SOX13: variants seen among roughly 807,000 people sequenced by gnomAD.
SOX13 encodes transcription factor SOX-13.
SOX13 carries 28 observed loss-of-function variants against 71.8 expected under a neutral mutation model. That is an observed-to-expected ratio of 0.39 (90% confidence interval 0.29 to 0.53). The LOEUF is 0.53. Among genes scored for constraint, SOX13 ranks in the 20% least tolerant of loss-of-function variants. The pLI is 0.70. For missense variants in SOX13, 627 were observed against 810.3 expected, an observed-to-expected ratio of 0.77 and a Z score of 2.75; for synonymous variants, 309 against 317.8, an observed-to-expected ratio of 0.97 and a Z score of 0.29.
intron 4 of SOX13, chr1:204,116,228 G>A (rs150309732): frequency 0.016 from 22,104 of 1,405,536 alleles, 240 homozygotes; most frequent in Non-Finnish European, 0.019. Flanking sequence ...GAAGAGGCCT[G>A]GGGCTCTGGG....
chr1:204,086,194 C>A (rs768041759), intron 1 of SOX13, among the ~76,000 whole-genome samples: 1 of 152,232 alleles, frequency 6.6e-6, no homozygotes, highest in African/African-American at 2.4e-5. Context: ...CCTCCAGGGT[C>A]GGGTGCCAGC....
At chr1:204,085,544 C>T (rs1165051787) in intron 1 of SOX13, among the ~76,000 whole-genome samples, 1 of 151,870 alleles carries the variant, frequency 6.6e-6, no homozygotes, top group Non-Finnish European at 1.5e-5. Context: ...TCTAGGATGC[C>T]CTGGAGAAAT....
At chr1:204,086,005 TGCCTTCTA>T (rs1441458974) in intron 1 of SOX13, among the ~76,000 whole-genome samples, 2 of 149,956 alleles carry the variant, frequency 1.3e-5, no homozygotes, top group Non-Finnish European at 3.0e-5. Context: ...ATGTAGGAAG[TGCCTTCTA>T]GCCTTCTAGG....
chr1:204,122,592 G>A (rs1656831626), intron 9 of SOX13, 193 bp downstream of exon 9: 3 of 607,796 alleles, frequency 4.9e-6, no homozygotes, highest in Non-Finnish European at 8.7e-6. Flanking sequence ...CCAAGCATCA[G>A]GGATTCAGGC....
Position 204,123,815 on chromosome 1 carries a change from G to C in SOX13, c.1375+11G>C. On this transcript the variant is annotated intron_variant, in intron 12 of 13. Coordinates refer to ENST00000367204, the MANE Select transcript of SOX13 (RefSeq NM_005686.3). The surrounding 1 kb of genome is among the most constrained non-coding windows in gnomAD (Gnocchi z 5.0). ...TCAGCAAGATCCTTGGTAAGGGCCA[G>C]TGGCTGGGGCCATGGTTCAGTGTGA... 1.2e-6 allele frequency: 2 copies of C among 1,614,052 alleles called. No individual in the cohort carries two copies. Among genetic ancestry groups the C allele is most frequent in the South Asian group, 2.2e-5 (2 of 91,080 alleles).
At chr1:204,103,956 C>T (rs537108025) in intron 1 of SOX13, among the ~76,000 whole-genome samples, 8 of 152,334 alleles carry the variant, frequency 5.3e-5, no homozygotes, top group African/African-American at 1.7e-4. Flanking sequence ...GTCTCTTTCT[C>T]GACCCACTCA....
chr1:204,126,105 G>A lies in SOX13; in HGVS notation c.1840G>A (p.Asp614Asn), dbSNP rs770201579. 4 of 1,613,952 alleles carry A rather than the reference G, an allele frequency of 2.5e-6. No individual in the cohort carries two copies. The highest frequency in any genetic ancestry group is 2.2e-5 in the East Asian group (1 of 44,880). ...GGACTCGGAGGGCGAAGAGAAGAGC[G>A]ATGGGGAGTTGGTGGTGCTCACAGA... ...DEDSEGEEKS[D>N]GELVVLTD Residue 614 changes from aspartate (D) to asparagine (N), a missense_variant, in exon 14 of 14, where the codon GAT becomes AAT. Physicochemically the swap from Asp to Asn is conservative, Grantham distance 23. Around this residue, in one of 3 missense-constraint regions of SOX13, gnomAD observed 148 missense variants for 192.7 expected, o/e 0.77. Transcript: ENST00000367204.
chr1:204,110,185 G>A (rs964306683), intron 1 of SOX13, among the ~76,000 whole-genome samples: 1 of 151,370 alleles, frequency 6.6e-6, no homozygotes, highest in Non-Finnish European at 1.5e-5. Flanking sequence ...ACAGAGTGGA[G>A]TGCAGTGGCT....
intron 1 of SOX13, among the ~76,000 whole-genome samples, chr1:204,099,880 G>A (rs1016511729): frequency 1.3e-5 from 2 of 151,910 alleles, no homozygotes. Context: ...GGTGGCTTAT[G>A]CCTATAACCT....
intron 1 of SOX13, among the ~76,000 whole-genome samples, chr1:204,108,469 G>A (rs908216982): frequency 3.3e-5 from 5 of 152,348 alleles, no homozygotes; most frequent in East Asian, 1.9e-4. Flanking sequence ...ATGGATGGTC[G>A]TTCACCATCC....
chr1:204,091,369 A>G (rs944676756), intron 1 of SOX13, among the ~76,000 whole-genome samples: 1 of 152,102 alleles, frequency 6.6e-6, no homozygotes, highest in African/African-American at 2.4e-5. Flanking sequence ...GCATGCTTAT[A>G]TTGTTCAGGA....
At chr1:204,116,351 C>T (rs1370652823) in intron 4 of SOX13, 156 bp from the exon 5 acceptor site, 1 of 1,555,368 alleles carries the variant, frequency 6.4e-7, no homozygotes, top group African/African-American at 1.4e-5. Flanking sequence ...CCCTTCAAGG[C>T]AAGCATCTTG....
At position 204,123,752 on chromosome 1, in the gene SOX13, G is replaced by T; in HGVS notation, c.1323G>T (p.Lys441Asn). The change falls in exon 12 of 14, where the codon AAG (lysine) becomes AAT (asparagine). Residue 441 changes from lysine to asparagine, a missense_variant. Coordinates refer to ENST00000367204, the MANE Select transcript of SOX13 (RefSeq NM_005686.3). The surrounding 1 kb of genome is among the most constrained non-coding windows in gnomAD (Gnocchi z 5.0). ...TGTGGGCCAAGGATGAGCGGAGGAA[G>T]ATCCTGCAAGCCTTCCCAGACATGC... ...FMVWAKDERR[K>N]ILQAFPDMHN... is the part of the protein sequence containing the mutation. 4 of 1,614,230 alleles carry T rather than the reference G, an allele frequency of 2.5e-6. No homozygotes were observed. Among genetic ancestry groups the T allele is most frequent in the Non-Finnish European group, 3.4e-6 (4 of 1,180,050 alleles).
At chr1:204,121,802 G>A (rs931255869) in intron 7 of SOX13, 98 bp from the exon 8 acceptor site, 8 of 846,788 alleles carry the variant, frequency 9.4e-6, no homozygotes, top group Admixed American at 2.0e-5. Context: ...GTCCAGTGCC[G>A]AGCCATTGCC....
chr1:204,106,346 G>C (rs554293016), intron 1 of SOX13, among the ~76,000 whole-genome samples: 4 of 152,252 alleles, frequency 2.6e-5, no homozygotes, highest in African/African-American at 7.2e-5. Flanking sequence ...TCCATCACCT[G>C]TTAAGCATCC....
In SOX13 at chr1:204,124,848, A is replaced by T; in HGVS notation, c.1583A>T (p.Tyr528Phe). The T allele has an allele frequency of 1.3e-6, 2 of 1,568,196 alleles. No homozygotes were observed. Among genetic ancestry groups the T allele is most frequent in the Non-Finnish European group, 1.7e-6 (2 of 1,157,094 alleles). Residue 528 changes from tyrosine to phenylalanine, a missense_variant, in exon 13 of 14, where the codon TAC becomes TTC. Around this residue, in one of 3 missense-constraint regions of SOX13, gnomAD observed 148 missense variants for 192.7 expected, o/e 0.77. Coordinates refer to ENST00000367204, the MANE Select transcript of SOX13 (RefSeq NM_005686.3). ...RTRRQDARQS[Y>F]VIPPQAGQVQ... ...CGGCGTCAGGATGCCCGCCAGAGCTACGTGATCCCGTGAGCAGGCCCCCCC... is the reference window on the plus strand; with the variant it reads ...CGGCGTCAGGATGCCCGCCAGAGCTTCGTGATCCCGTGAGCAGGCCCCCCC...
chr1:204,100,043 T>G (rs1656330116), intron 1 of SOX13, among the ~76,000 whole-genome samples: 1 of 151,988 alleles, frequency 6.6e-6, no homozygotes, highest in African/African-American at 2.4e-5. Flanking sequence ...GAGGCTGAGG[T>G]GGGAGGATTG....
At chr1:204,109,902 G>A (rs530811538) in intron 1 of SOX13, among the ~76,000 whole-genome samples, 3 of 151,638 alleles carry the variant, frequency 2.0e-5, no homozygotes, top group African/African-American at 7.3e-5. Context: ...GCACCATCTC[G>A]GCTCACCACA....
chr1:204,115,477 T>TG (rs1332865653), intron 4 of SOX13, among the ~76,000 whole-genome samples: 1 of 47,500 alleles, frequency 2.1e-5, no homozygotes, highest in Non-Finnish European at 6.1e-5. Flanking sequence ...CCGATGTTGT[T>TG]TTTTTTTTTT....
Sources: allele counts gnomAD v4.1 joint callset (sites outside exome capture counted in the v4.1 genomes callset), GRCh38; gene constraint gnomAD v4.1.1; regional missense constraint gnomAD v4.1.1; non-coding constraint Gnocchi (gnomAD v3.1); transcripts MANE v1.5; gene names NCBI Gene and HGNC (gene_info 2026-07-23, HGNC 2026-07-21).